SHISAL1: variants seen among roughly 807,000 people sequenced by gnomAD.
SHISAL1 encodes the protein shisa like 1, also known as protein shisa-like-1.
A neutral mutation model predicts 22.6 loss-of-function variants in SHISAL1; 9 were observed. The ratio of observed to expected loss-of-function variants is 0.40; its 90% CI spans 0.24 to 0.70. SHISAL1 has a LOEUF of 0.70. Ranked by LOEUF, SHISAL1 falls within the 30% of genes least tolerant of loss-of-function variation. SHISAL1 has a pLI of 0.39. For missense variants in SHISAL1, 246 were observed against 270.6 expected, an observed-to-expected ratio of 0.91 and a Z score of 0.64; for synonymous variants, 119 against 115.4, an observed-to-expected ratio of 1.03 and a Z score of -0.20.
chr22:44,309,401 G>A (rs1022646062), intron 1 of SHISAL1, among the ~76,000 whole-genome samples: 15 of 152,138 alleles, frequency 9.9e-5, no homozygotes, highest in South Asian at 2.1e-4. Context: ...GGTAGGCAGC[G>A]GCCCAGCAGA....
intron 4 of SHISAL1, 147 bp from the exon 5 acceptor site, chr22:44,249,832 C>G (rs2055034711): frequency 4.6e-6 from 3 of 649,560 alleles, no homozygotes; most frequent in South Asian, 1.8e-5. Context: ...GACTTTAAGA[C>G]TGGAAGAAAG....
chr22:44,297,924 G>C (rs540937548), intron 2 of SHISAL1, among the ~76,000 whole-genome samples: 84 of 152,328 alleles, frequency 5.5e-4, no homozygotes, highest in Non-Finnish European at 8.1e-4. Flanking sequence ...TTATTAGACT[G>C]CAGCCCACAC....
chr22:44,286,308 G>A (rs571368153), intron 3 of SHISAL1, among the ~76,000 whole-genome samples: 6 of 152,246 alleles, frequency 3.9e-5, no homozygotes, highest in Admixed American at 1.3e-4. Context: ...CACTCAACAC[G>A]ACCAGGCTGT....
intron 3 of SHISAL1, among the ~76,000 whole-genome samples, chr22:44,289,226 GC>G (rs1265319217): frequency 6.6e-6 from 1 of 152,324 alleles, no homozygotes; most frequent in East Asian, 1.9e-4. Flanking sequence ...AAAGTCACTT[GC>G]CAAAGGCCAC....
chr22:44,251,677 CA>C (rs1326085010), intron 4 of SHISAL1, among the ~76,000 whole-genome samples: 4 of 152,152 alleles, frequency 2.6e-5, no homozygotes, highest in Admixed American at 6.5e-5. Context: ...CAAGCTTGTG[CA>C]GGAAAATTCC....
intron 1 of SHISAL1, among the ~76,000 whole-genome samples, chr22:44,306,569 CGGGGAGCTG>C (rs1245421544): frequency 2.9e-5 from 1 of 34,660 alleles, no homozygotes; most frequent in African/African-American, 8.2e-5. Context: ...GAACTGAGCT[CGGGGAGCTG>C]TGATGACGAT....
chr22:44,323,836 G>A, the SHISAL1 span, among the ~76,000 whole-genome samples: 1 of 152,180 alleles, frequency 6.6e-6, no homozygotes, highest in Middle Eastern at 3.2e-3. Flanking sequence ...GTGCCTCCTT[G>A]GTGTTTCTGC....
At chr22:44,323,056 T>C in the SHISAL1 span, among the ~76,000 whole-genome samples, 5,637 of 125,036 alleles carry the variant, frequency 0.045, 145 homozygotes, top group Non-Finnish European at 0.067. Flanking sequence ...CATCCATCCA[T>C]CCACCCACCT....
intron 4 of SHISAL1, among the ~76,000 whole-genome samples, chr22:44,276,315 C>T (rs1438757203): frequency 1.3e-5 from 2 of 151,928 alleles, no homozygotes; most frequent in African/African-American, 2.4e-5. Context: ...CTGCAGCAAG[C>T]GGCAGTGTGG....
At chr22:44,322,289 T>C in the SHISAL1 span, among the ~76,000 whole-genome samples, 2 of 152,220 alleles carry the variant, frequency 1.3e-5, no homozygotes, top group South Asian at 4.1e-4. Context: ...CCCATCAGGT[T>C]GGGGCTCCAA....
chr22:44,267,782 C>T lies in SHISAL1; in HGVS notation c.599+17646G>A, dbSNP rs114155004. 5.6e-3 allele frequency among the ~76,000 whole-genome samples: 848 copies of T among 152,266 alleles called. 9 individuals are homozygous for T. Among genetic ancestry groups the T allele is most frequent in the African/African-American group, 0.02 (811 of 41,486 alleles). ...GCCTCTGCACGTGCTATTTCCAGTG[C>T]CCGGACCACTCCCCACTTCCTCCCC... On this transcript the variant is annotated intron_variant, in intron 4 of 4. Coordinates refer to ENST00000381176, the MANE Select transcript of SHISAL1 (RefSeq NM_001099294.2).
upstream of SHISAL1, among the ~76,000 whole-genome samples, chr22:44,315,916 T>G (rs2055555736): frequency 6.6e-6 from 1 of 152,112 alleles, no homozygotes. Context: ...TGGGTCTCCA[T>G]CCTGGCCCTC....
chr22:44,262,167 C>T (rs2055129432), intron 4 of SHISAL1, among the ~76,000 whole-genome samples: 1 of 152,192 alleles, frequency 6.6e-6, no homozygotes. Flanking sequence ...TTCTTGGGAG[C>T]AGCCACAGAG....
intron 4 of SHISAL1, among the ~76,000 whole-genome samples, chr22:44,281,708 G>T (rs1044251297): frequency 2.0e-5 from 3 of 152,182 alleles, no homozygotes; most frequent in African/African-American, 4.8e-5. Context: ...GGAAATGACG[G>T]GTGGAGTCTT....
At chr22:44,288,736 C>A (rs2055333369) in intron 3 of SHISAL1, among the ~76,000 whole-genome samples, 1 of 152,256 alleles carries the variant, frequency 6.6e-6, no homozygotes, top group Non-Finnish European at 1.5e-5. Flanking sequence ...TCTCCAGAAC[C>A]CCTGCCTACC....
At chr22:44,267,471 CCCA>C (rs1479079688) in intron 4 of SHISAL1, among the ~76,000 whole-genome samples, 2 of 152,234 alleles carry the variant, frequency 1.3e-5, no homozygotes, top group African/African-American at 2.4e-5. Context: ...CCGGCCCCTC[CCCA>C]CCACCACCCT....
chr22:44,302,481 T>C (rs575712514), intron 1 of SHISAL1, among the ~76,000 whole-genome samples: 1 of 151,812 alleles, frequency 6.6e-6, no homozygotes, highest in South Asian at 2.1e-4. Flanking sequence ...GTGCCGAGAA[T>C]GGTGATGGGG....
intron 4 of SHISAL1, among the ~76,000 whole-genome samples, chr22:44,279,676 G>A (rs886769733): frequency 6.6e-6 from 1 of 152,186 alleles, no homozygotes; most frequent in Non-Finnish European, 1.5e-5. Flanking sequence ...GCCAATGGAT[G>A]GAGAGGAACT....
chr22:44,287,218 C>G (rs896532317), intron 3 of SHISAL1, among the ~76,000 whole-genome samples: 3 of 152,228 alleles, frequency 2.0e-5, no homozygotes, highest in African/African-American at 7.2e-5. Context: ...CTTCCAGGCT[C>G]CAGATCTTCC....
Sources: allele counts gnomAD v4.1 joint callset (sites outside exome capture counted in the v4.1 genomes callset), GRCh38; gene constraint gnomAD v4.1.1; transcripts MANE v1.5; gene names NCBI Gene and HGNC (gene_info 2026-07-23, HGNC 2026-07-21).